The following PHYKPL variants were observed in gnomAD, a reference collection of about 807,000 sequenced individuals.
PHYKPL encodes the protein 5-phosphohydroxy-L-lysine phospho-lyase.
PHYKPL carries 42 observed loss-of-function variants against 51.3 expected under a neutral mutation model. That is an observed-to-expected ratio of 0.82 (90% CI 0.64 to 1.06). PHYKPL has a LOEUF of 1.06. Among genes scored for constraint, PHYKPL ranks in the 50% least tolerant of loss-of-function variants. PHYKPL has a pLI of 0.00. For missense variants in PHYKPL, 655 were observed against 586.6 expected (o/e 1.12, Z -1.20); for synonymous variants, 264 against 236.0 (o/e 1.12, Z -1.09).
Position 178,215,325 on chromosome 5 carries a change from G to C in PHYKPL, c.1033C>G (p.Gln345Glu), listed in dbSNP as rs955945145. Residue 345 changes from glutamine to glutamate, a missense_variant, in exon 9 of 13, where the codon CAG becomes GAG. Physicochemically the swap from Gln to Glu is conservative, Grantham distance 29. Transcript: ENST00000308158. Reference protein sequence around the residue: ...HATSVGSFLMQLLGQQKIKHP... With the variant: ...HATSVGSFLMELLGQQKIKHP... ...TTGATTTTTTGCTGCCCGAGGAGCT[G>C]CATCAGGAAGCTGCCTACACTGGTG... 3.7e-6 allele frequency: 6 copies of C among 1,613,948 alleles called. No individual in the cohort carries two copies. The African/African-American group carries it at 8.0e-5, about 22-fold the overall frequency.
intron 7 of PHYKPL, 70 bp downstream of exon 7, chr5:178,222,782 T>G (rs1761439719): frequency 6.5e-7 from 1 of 1,547,720 alleles, no homozygotes; most frequent in African/African-American, 1.4e-5. Flanking sequence ...AGGTTGGGAT[T>G]TGGACCAGAG....
In PHYKPL at chr5:178,215,424, C is replaced by A. The variant is rs372970517; in HGVS notation, c.934G>T (p.Gly312Cys). 6 of 1,609,650 alleles carry A rather than the reference C, an allele frequency of 3.7e-6. No individual in the cohort carries two copies. Among genetic ancestry groups the A allele is most frequent in the Non-Finnish European group, 5.1e-6 (6 of 1,177,730 alleles). Residue 312 changes from glycine (G) to cysteine (C), a missense_variant, in exon 9 of 13, where the codon GGC becomes TGC. Coordinates refer to ENST00000308158, the MANE Select transcript of PHYKPL (RefSeq NM_153373.4). The stretch of plus-strand genomic sequence containing the variant: ...CCCACAGCGCAGGACACTGGGCTGC[C>A]CCCAAACTGAGCCAGGGACAAAGAA... ...TGVEYFNTFG[G>C]SPVSCAVGLA...
chr5:178,229,871 G>A, intron 3 of PHYKPL, 69 bp downstream of exon 3: 1 of 1,574,992 alleles, frequency 6.3e-7, no homozygotes, highest in East Asian at 2.3e-5. Context: ...CACTACACTG[G>A]GCCCATGTGA....
intron 12 of PHYKPL, chr5:178,209,458 C>CGTGGATGAAG (rs1319320294): frequency 6.2e-7 from 1 of 1,609,110 alleles, no homozygotes; most frequent in Non-Finnish European, 8.5e-7. Flanking sequence ...GTGAGTGGAA[C>CGTGGATGAAG]GTGGATGAAG....
At chr5:178,217,993 G>A (rs1449598121) in intron 8 of PHYKPL, among the ~76,000 whole-genome samples, 10 of 149,796 alleles carry the variant, frequency 6.7e-5, no homozygotes, top group South Asian at 2.1e-4. Context: ...CGAGACGGGC[G>A]GATCACGAGG....
chr5:178,209,201 A>C, intron 12 of PHYKPL: 2 of 781,506 alleles, frequency 2.6e-6, no homozygotes, highest in South Asian at 1.6e-5. Flanking sequence ...GGCCTCCCAT[A>C]CTAGCATATT....
chr5:178,210,670 A>G (rs1399911100), intron 12 of PHYKPL: 4 of 1,426,366 alleles, frequency 2.8e-6, no homozygotes, highest in Non-Finnish European at 4.0e-6. Flanking sequence ...CTTTGTTTGG[A>G]TATGGAGTGA....
At chr5:178,225,458 G>A (rs1581335869) in intron 3 of PHYKPL, 29 bp from the exon 4 acceptor site, 1 of 1,612,762 alleles carries the variant, frequency 6.2e-7, no homozygotes, top group Non-Finnish European at 8.5e-7. Context: ...GCATGACTGA[G>A]AGAGTAGTCT....
chr5:178,222,962 G>A (rs1761491638), intron 6 of PHYKPL, 28 bp from the exon 7 acceptor site: 6 of 1,610,318 alleles, frequency 3.7e-6, no homozygotes, highest in Non-Finnish European at 3.4e-6. Flanking sequence ...TTGGGAACAC[G>A]ACCATGGGGT....
At position 178,214,195 on chromosome 5, in the gene PHYKPL, G is replaced by A. The variant is rs114025780; in HGVS notation, c.1172+601C>T. Among the ~76,000 whole-genome samples the A allele has an allele frequency of 4.3e-3, 654 of 152,286 alleles. 5 individuals are homozygous for A. The highest frequency in any genetic ancestry group is 0.014 in the African/African-American group (602 of 41,552). ...TTCCATGGTGGGCGTGGGGGAAGGG[G>A]TAGGCCTGGGGAATGGAGATAAAAG... On this transcript the variant is annotated intron_variant, in intron 10 of 12. Coordinates refer to ENST00000308158, the MANE Select transcript of PHYKPL (RefSeq NM_153373.4).
intron 12 of PHYKPL, 126 bp from the exon 13 acceptor site, chr5:178,209,041 TG>T: frequency 2.7e-6 from 1 of 373,544 alleles, no homozygotes; most frequent in Non-Finnish European, 5.0e-6. Flanking sequence ...TCTGCTCCCC[TG>T]GGCTGCAGTT....
At chr5:178,232,408 T>C (rs1045018698) in intron 1 of PHYKPL, 84 bp downstream of exon 1, 79 of 1,345,282 alleles carry the variant, frequency 5.9e-5, no homozygotes, top group Non-Finnish European at 6.9e-5. Flanking sequence ...GGCGCGTGCG[T>C]AGTGCGTGCG....
Position 178,215,281 on chromosome 5 carries a change from A to C in PHYKPL, c.1077T>G (p.Asp359Glu), listed in dbSNP as rs751860683. 6.2e-7 allele frequency: 1 copy of C among 1,613,992 alleles called. No homozygotes were observed. Among genetic ancestry groups the C allele is most frequent in the East Asian group, 2.2e-5 (1 of 44,878 alleles). The change falls in exon 9 of 13, where the codon GAT becomes GAG. Residue 359 changes from aspartate to glutamate, a missense_variant. Coordinates refer to ENST00000308158, the MANE Select transcript of PHYKPL (RefSeq NM_153373.4). ...QQKIKHPIVG[D>E]VRGVGLFIGV... The stretch of plus-strand genomic sequence containing the variant: ...TGCTGCCCCCAGAGCCTCACCTGAC[A>C]TCCCCGACGATGGGATGTTTGATTT...
In PHYKPL at chr5:178,232,594, T is replaced by C; in HGVS notation, c.-44A>G. 2 of 1,247,238 alleles carry C rather than the reference T, an allele frequency of 1.6e-6. No homozygotes were observed. The highest frequency in any genetic ancestry group is 3.3e-5 in the South Asian group (1 of 30,226). 77.3% of individuals were successfully genotyped at this position (1,247,238 alleles called of 1,614,324 possible). ...GGTGCCGTGACGCCACGCGGAGACG[T>C]CGCCGCGCGGGCTGGGCCTCCAAGG... is the stretch of plus-strand genomic sequence containing the variant. On this transcript the variant is annotated 5_prime_UTR_variant, in exon 1 of 13. Coordinates refer to ENST00000308158, the MANE Select transcript of PHYKPL (RefSeq NM_153373.4).
At position 178,232,721 on chromosome 5, in the gene PHYKPL, C is replaced by T. The variant is rs970833210; in HGVS notation, c.-171G>A. 5 of 715,748 alleles carry T rather than the reference C, an allele frequency of 7.0e-6. No homozygotes were observed. The highest frequency in any genetic ancestry group is 5.6e-5 in the African/African-American group (3 of 53,226). The allele number at this position is 715,748 out of a possible 1,614,324, so 44.3% of individuals were successfully genotyped here. A position where few individuals can be genotyped will look rare whatever the true frequency, so the allele number is the denominator to read the frequency against. ...CGCGTTGCGGTGGTTCATTTCTTCGCTTGCCCACTGGGCCTGGCAGCCTTC... is the reference window on the plus strand; with the variant it reads ...CGCGTTGCGGTGGTTCATTTCTTCGTTTGCCCACTGGGCCTGGCAGCCTTC... On this transcript the variant is annotated 5_prime_UTR_variant, in exon 1 of 13. Coordinates refer to ENST00000308158, the MANE Select transcript of PHYKPL (RefSeq NM_153373.4).
intron 6 of PHYKPL, 22 bp from the exon 7 acceptor site, chr5:178,222,956 G>C: frequency 1.2e-6 from 2 of 1,612,588 alleles, no homozygotes; most frequent in Non-Finnish European, 1.7e-6. Flanking sequence ...TGGACATTGG[G>C]AACACGACCA....
At chr5:178,229,075 CA>C (rs1325410000) in intron 3 of PHYKPL, among the ~76,000 whole-genome samples, 2 of 151,266 alleles carry the variant, frequency 1.3e-5, no homozygotes, top group African/African-American at 4.9e-5. Flanking sequence ...GTGTGGTGAC[CA>C]ACCTTGACAA....
Position 178,224,383 on chromosome 5 carries a change from A to G in PHYKPL, c.618+65T>C, listed in dbSNP as rs1761845192. On this transcript the variant is annotated intron_variant, in intron 6 of 12. Coordinates refer to ENST00000308158, the MANE Select transcript of PHYKPL (RefSeq NM_153373.4). ...TCTCTGGGTTCCCAGCATCTAGCAC[A>G]GTGGCGGTGACAACGGAGGTGACAT... is the stretch of plus-strand genomic sequence containing the variant. The G allele has an allele frequency of 6.2e-6, 9 of 1,446,716 alleles. No homozygotes were observed. The East Asian group carries it at 6.9e-5, about 11-fold the overall frequency. The allele number at this position is 1,446,716 out of a possible 1,614,324, so 89.6% of individuals were successfully genotyped here.
intron 8 of PHYKPL, among the ~76,000 whole-genome samples, chr5:178,221,390 T>C (rs1164605708): frequency 3.3e-5 from 5 of 152,066 alleles, no homozygotes; most frequent in Non-Finnish European, 7.4e-5. Context: ...GGGATGTCCT[T>C]TGTGCTCTCA....
Sources: gnomAD v4.1 joint callset for allele counts (sites outside exome capture counted in the v4.1 genomes callset) on GRCh38, gnomAD v4.1.1 for gene constraint, MANE v1.5 for transcripts, NCBI Gene and HGNC (gene_info 2026-07-23, HGNC 2026-07-21) for gene names.